The following PTPRM variants were observed in gnomAD, a reference collection of about 807,000 sequenced individuals.
The protein encoded by PTPRM is protein tyrosine phosphatase receptor type M, also known as receptor-type tyrosine-protein phosphatase mu.
In PTPRM, 47 loss-of-function variants were observed where a neutral mutation model predicts 186.7. That is an observed-to-expected ratio of 0.25 (90% CI 0.20 to 0.32). The LOEUF (loss-of-function observed/expected upper bound fraction) is 0.32, where lower values mean the gene tolerates loss of function less well. Among genes scored for constraint, PTPRM ranks in the 10% least tolerant of loss-of-function variants. The probability of loss-of-function intolerance (pLI) is 1.00; values close to 1 mark genes in which losing one functional copy is unlikely to be tolerated. For missense variants in PTPRM, 1,494 were observed against 1,865.0 expected, an observed-to-expected ratio of 0.80 and a Z score of 3.66; for synonymous variants, 668 against 674.9, an observed-to-expected ratio of 0.99 and a Z score of 0.16.
At chr18:8,188,721 T>C (rs1420645175) in intron 14 of PTPRM, among the ~76,000 whole-genome samples, 1 of 152,208 alleles carries the variant, frequency 6.6e-6, no homozygotes, top group Non-Finnish European at 1.5e-5. Flanking sequence ...ATAATTTTCT[T>C]AAAATGAGGG....
intron 2 of PTPRM, among the ~76,000 whole-genome samples, chr18:7,858,420 C>A (rs77610189): frequency 0.025 from 3,746 of 152,112 alleles, 152 homozygotes; most frequent in African/African-American, 0.085. Context: ...ATAAGCCAGG[C>A]ATCATGGCTT....
At chr18:8,329,007 A>AT (rs1427068058) in intron 22 of PTPRM, among the ~76,000 whole-genome samples, 1 of 152,246 alleles carries the variant, frequency 6.6e-6, no homozygotes, top group East Asian at 1.9e-4. Context: ...ACATCCACCT[A>AT]TGTTGTTATA....
intron 7 of PTPRM, among the ~76,000 whole-genome samples, chr18:7,960,472 T>TAC (rs1489255842): frequency 7.3e-4 from 79 of 108,638 alleles, no homozygotes; most frequent in African/African-American, 3.2e-3. Flanking sequence ...TATATATATA[T>TAC]ATATATATAC....
chr18:7,876,125 TG>T (rs1162661767), intron 2 of PTPRM, among the ~76,000 whole-genome samples: 14 of 152,090 alleles, frequency 9.2e-5, no homozygotes, highest in African/African-American at 2.9e-4. Flanking sequence ...ACTGTGTGTG[TG>T]TGTGTGTGTG....
At chr18:7,665,508 C>T (rs1489256053) in intron 1 of PTPRM, among the ~76,000 whole-genome samples, 1 of 152,148 alleles carries the variant, frequency 6.6e-6, no homozygotes, top group Non-Finnish European at 1.5e-5. Flanking sequence ...GATTGGGAGG[C>T]AAAATTATTC....
chr18:7,640,633 T>C (rs941844606), intron 1 of PTPRM, among the ~76,000 whole-genome samples: 1 of 152,028 alleles, frequency 6.6e-6, no homozygotes, highest in Non-Finnish European at 1.5e-5. Context: ...AGACAGGTGA[T>C]TGGCAGCTCC....
chr18:8,139,738 C>G (rs1479744823), intron 13 of PTPRM, among the ~76,000 whole-genome samples: 1 of 152,096 alleles, frequency 6.6e-6, no homozygotes, highest in East Asian at 1.9e-4. Flanking sequence ...ATGTTATTTT[C>G]TCAGTAATTC....
intron 31 of PTPRM, among the ~76,000 whole-genome samples, chr18:8,388,243 A>G (rs565265556): frequency 3.3e-5 from 5 of 152,374 alleles, no homozygotes; most frequent in East Asian, 1.9e-4. Flanking sequence ...GGAAATTTAA[A>G]GGATAAGCGA....
intron 14 of PTPRM, among the ~76,000 whole-genome samples, chr18:8,208,682 A>T (rs7506369): frequency 3.3e-5 from 5 of 152,186 alleles, no homozygotes; most frequent in East Asian, 1.9e-4. Flanking sequence ...CTAATTTTTT[A>T]AAAAAATTTT....
chr18:7,724,755 C>G (rs1278477403), intron 1 of PTPRM, among the ~76,000 whole-genome samples: 1 of 152,134 alleles, frequency 6.6e-6, no homozygotes, highest in East Asian at 1.9e-4. Context: ...GGTGGCTGTT[C>G]CTCGTATATT....
chr18:8,384,602 C>T lies in PTPRM; in HGVS notation c.3960C>T (p.His1320=), dbSNP rs192073355. The change falls in exon 30 of 33, where the codon CAC becomes CAT. Residue 1320 remains histidine, a synonymous_variant. Coordinates refer to ENST00000580170, the MANE Select transcript of PTPRM (RefSeq NM_001105244.2). ...GGCCAGAAAACGGAGTACACAGACA[C>T]GGCCCCATCCAGGTGGAATTTGTCT... ...QYWPENGVHR[H]GPIQVEFVSA... is the part of the protein sequence containing the mutation. 3.3e-5 allele frequency: 54 copies of T among 1,614,082 alleles called. 3 individuals carry two copies. In the Middle Eastern group the frequency reaches 4.9e-4, roughly 15 times the overall value.
chr18:8,039,469 T>C (rs2086555449), intron 7 of PTPRM, among the ~76,000 whole-genome samples: 1 of 152,186 alleles, frequency 6.6e-6, no homozygotes, highest in Admixed American at 6.6e-5. Context: ...CAAAAAATGG[T>C]AGGGATTATC....
chr18:8,160,218 G>A (rs2093203649), intron 14 of PTPRM, among the ~76,000 whole-genome samples: 1 of 152,022 alleles, frequency 6.6e-6, no homozygotes, highest in African/African-American at 2.4e-5. Context: ...TCAAAAAAAC[G>A]AATAAACCTC....
chr18:7,843,276 A>G (rs1331804366), intron 2 of PTPRM, among the ~76,000 whole-genome samples: 2 of 152,134 alleles, frequency 1.3e-5, no homozygotes, highest in African/African-American at 2.4e-5. Flanking sequence ...TTTTCATTCA[A>G]CTGGCCCTGT....
intron 1 of PTPRM, among the ~76,000 whole-genome samples, chr18:7,734,320 A>G (rs1192684165): frequency 1.3e-5 from 2 of 152,206 alleles, no homozygotes; most frequent in African/African-American, 4.8e-5. Flanking sequence ...AAAGCAAATG[A>G]GGGCACAGTG....
At chr18:8,237,423 T>G (rs1037474899) in intron 14 of PTPRM, among the ~76,000 whole-genome samples, 8 of 149,498 alleles carry the variant, frequency 5.4e-5, no homozygotes, top group Admixed American at 2.7e-4. Context: ...TGGCAACTGA[T>G]TCCCTCAATT....
chr18:8,286,058 A>G lies in PTPRM; in HGVS notation c.2755-10310A>G, dbSNP rs1478826591. Among the ~76,000 whole-genome samples, 4 of 152,226 alleles carry G rather than the reference A, an allele frequency of 2.6e-5. No homozygotes were observed. The East Asian group carries it at 7.7e-4, about 29-fold the overall frequency. ...TTGCATATACACGAGTTAAATTTACATCATTCAATAACAGAGGGAAGTGGT... is the reference window on the plus strand; with the variant it reads ...TTGCATATACACGAGTTAAATTTACGTCATTCAATAACAGAGGGAAGTGGT... On this transcript the variant is annotated intron_variant, in intron 19 of 32. Coordinates refer to ENST00000580170, the MANE Select transcript of PTPRM (RefSeq NM_001105244.2).
At chr18:8,026,710 T>C (rs1332142916) in intron 7 of PTPRM, among the ~76,000 whole-genome samples, 1 of 151,986 alleles carries the variant, frequency 6.6e-6, no homozygotes, top group African/African-American at 2.4e-5. Flanking sequence ...TACAAAAAAT[T>C]AGCCAGGTGT....
rs2036959555 is a variant in PTPRM, at chr18:7,585,607, GCTTT to G, written c.73+17719_73+17722del. Among the ~76,000 whole-genome samples, 5 of 152,122 alleles carry G rather than the reference GCTTT, an allele frequency of 3.3e-5. No homozygotes were observed. The South Asian group carries it at 6.2e-4, about 19-fold the overall frequency. Reference sequence around the variant, plus strand: ...CCCATGCCTGATATCAAGGTCCAAGGCTTTCTCTCTTTTTTTTTCCTCTTCTTCT... The same window carrying G: ...CCCATGCCTGATATCAAGGTCCAAGGCTCTCTTTTTTTTTCCTCTTCTTCT... On this transcript the variant is annotated intron_variant, in intron 1 of 32. Transcript: ENST00000580170.
Sources: gnomAD v4.1 joint callset for allele counts (sites outside exome capture counted in the v4.1 genomes callset) on GRCh38, gnomAD v4.1.1 for gene constraint, MANE v1.5 for transcripts, NCBI Gene and HGNC (gene_info 2026-07-23, HGNC 2026-07-21) for gene names.